The following KCMF1 variants were observed in gnomAD, a reference collection of about 807,000 sequenced individuals.
The protein encoded by KCMF1 is potassium channel modulatory factor 1, also known as E3 ubiquitin-protein ligase KCMF1.
In KCMF1, 3 loss-of-function variants were observed where a neutral mutation model predicts 41.1. The ratio of observed to expected loss-of-function variants is 0.07; its 90% CI spans 0.03 to 0.19. The LOEUF is 0.19. Ranked by LOEUF, KCMF1 falls within the 10% of genes least tolerant of loss-of-function variation. KCMF1 has a pLI of 1.00. For synonymous variants in KCMF1, 142 were observed against 164.5 expected (o/e 0.86, Z 1.04); for missense variants, 286 against 488.9 (o/e 0.58, Z 3.91).
chr2:85,039,709 A>G (rs1675479783), intron 3 of KCMF1, among the ~76,000 whole-genome samples: 1 of 152,192 alleles, frequency 6.6e-6, no homozygotes, highest in African/African-American at 2.4e-5. Context: ...ATAAAAAGCA[A>G]GACTGATGGT....
chr2:84,989,800 G>C (rs1418326694), intron 1 of KCMF1, among the ~76,000 whole-genome samples: 2 of 152,196 alleles, frequency 1.3e-5, no homozygotes, highest in African/African-American at 2.4e-5. Context: ...GTTTTGGCAT[G>C]TTAGGTTTGA....
chr2:85,031,053 T>G (rs1675254489), intron 2 of KCMF1, among the ~76,000 whole-genome samples: 2 of 152,224 alleles, frequency 1.3e-5, no homozygotes, highest in Admixed American at 1.3e-4. Flanking sequence ...AGCTTCATAG[T>G]AAGCTTTGAA....
At chr2:84,994,494 C>T (rs918716525) in intron 1 of KCMF1, among the ~76,000 whole-genome samples, 77 of 152,104 alleles carry the variant, frequency 5.1e-4, no homozygotes, top group African/African-American at 1.8e-3. Context: ...ACCTCCACCT[C>T]CCGGGTTCAA....
rs1004388095 is a variant in KCMF1, at chr2:84,975,615, T to A, written c.16+4148T>A. ...GCCACTTTTAACTCACTTTGTGGTGTTCTTGTCATGTTAACATTTTATAGA... is the reference window on the plus strand; with the variant it reads ...GCCACTTTTAACTCACTTTGTGGTGATCTTGTCATGTTAACATTTTATAGA... On this transcript the variant is annotated intron_variant, in intron 1 of 6. Transcript: ENST00000409785. 2.0e-5 allele frequency among the ~76,000 whole-genome samples: 3 copies of A among 152,198 alleles called. No individual in the cohort carries two copies. In the East Asian group the frequency reaches 5.8e-4, roughly 29 times the overall value.
chr2:85,036,035 T>C (rs955366167), intron 3 of KCMF1, among the ~76,000 whole-genome samples: 3 of 152,324 alleles, frequency 2.0e-5, no homozygotes, highest in Middle Eastern at 3.4e-3. Flanking sequence ...GGCAGGTGTT[T>C]GGACTCAGCT....
chr2:84,982,403 T>C (rs867126403), intron 1 of KCMF1, among the ~76,000 whole-genome samples: 100 of 104,766 alleles, frequency 9.5e-4, no homozygotes, highest in South Asian at 6.5e-3. Context: ...TTTTTTTTTT[T>C]TTTTTTTTTT....
At chr2:84,985,591 G>A (rs55930503) in intron 1 of KCMF1, among the ~76,000 whole-genome samples, 63 of 151,560 alleles carry the variant, frequency 4.2e-4, no homozygotes, top group Non-Finnish European at 8.3e-4. Flanking sequence ...AGCACTTTGG[G>A]AAGCCCAGGC....
chr2:85,043,539 G>A, intron 3 of KCMF1, 25 bp from the exon 4 acceptor site: 2 of 1,344,140 alleles, frequency 1.5e-6, no homozygotes, highest in African/African-American at 1.4e-5. Context: ...CATTTATTAA[G>A]CTGCTTTCTT....
At position 84,971,487 on chromosome 2, in the gene KCMF1, C is replaced by T; in HGVS notation, c.16+20C>T. On this transcript the variant is annotated intron_variant, in intron 1 of 6. Transcript: ENST00000409785. ...ATGAAGGTGAGAGGAGCCCCCGCCC[C>T]CACCCGCACCTCCCGGGCCTCGGCC... is the stretch of plus-strand genomic sequence containing the variant. The T allele has an allele frequency of 8.1e-7, 1 of 1,241,592 alleles. No homozygotes were observed. Among genetic ancestry groups the T allele is most frequent in the South Asian group, 2.0e-5 (1 of 50,012 alleles). 76.9% of individuals were successfully genotyped at this position (1,241,592 alleles called of 1,614,324 possible). A position where few individuals can be genotyped will look rare whatever the true frequency, so the allele number is the denominator to read the frequency against.
In KCMF1 at chr2:85,056,111, GT is replaced by G; in HGVS notation, c.*2704del. 6.9e-6 allele frequency: 1 copy of G among 144,454 alleles called. No homozygotes were observed. The highest frequency in any genetic ancestry group is 6.8e-5 in the Admixed American group (1 of 14,770). 8.9% of individuals were successfully genotyped at this position (144,454 alleles called of 1,614,324 possible). A position where few individuals can be genotyped will look rare whatever the true frequency, so the allele number is the denominator to read the frequency against. ...CTTTGTATTTATATTGCATTGTTTT[GT>G]TAAAAAAAAAAAAATCCACAGAAGT... On this transcript the variant is annotated 3_prime_UTR_variant, in exon 7 of 7. Coordinates refer to ENST00000409785, the MANE Select transcript of KCMF1 (RefSeq NM_020122.5).
intron 1 of KCMF1, among the ~76,000 whole-genome samples, chr2:85,006,030 T>A (rs952325227): frequency 2.0e-5 from 3 of 152,194 alleles, no homozygotes; most frequent in African/African-American, 7.2e-5. Flanking sequence ...CAGTAATGCC[T>A]GGTCACATAT....
intron 3 of KCMF1, among the ~76,000 whole-genome samples, chr2:85,037,039 A>G (rs1189380151): frequency 1.0e-5 from 1 of 98,248 alleles, no homozygotes. Flanking sequence ...TTTGTTGTTT[A>G]CACTCTGGCA....
intron 1 of KCMF1, among the ~76,000 whole-genome samples, chr2:84,999,111 C>T (rs1249715972): frequency 6.7e-6 from 1 of 150,098 alleles, no homozygotes; most frequent in African/African-American, 2.4e-5. Flanking sequence ...TCCCAAAGTG[C>T]TGGGATTACA....
intron 1 of KCMF1, among the ~76,000 whole-genome samples, chr2:85,027,495 C>T (rs2104028230): frequency 6.6e-6 from 1 of 151,246 alleles, no homozygotes; most frequent in Admixed American, 6.6e-5. Flanking sequence ...ATGCCTCAGC[C>T]TCCCAAGTAG....
intron 1 of KCMF1, among the ~76,000 whole-genome samples, chr2:84,988,973 T>C (rs1673970975): frequency 6.6e-6 from 1 of 152,188 alleles, no homozygotes; most frequent in African/African-American, 2.4e-5. Context: ...GAATTTCATA[T>C]AATTTTCAGG....
chr2:84,973,360 T>G (rs1673449599), intron 1 of KCMF1, among the ~76,000 whole-genome samples: 1 of 152,242 alleles, frequency 6.6e-6, no homozygotes, highest in African/African-American at 2.4e-5. Context: ...TTTAAGCCCA[T>G]TTCCCCCCAT....
At chr2:85,028,205 G>A (rs555227835) in intron 2 of KCMF1, 149 bp downstream of exon 2, 24 of 586,668 alleles carry the variant, frequency 4.1e-5, no homozygotes, top group East Asian at 4.0e-4. Flanking sequence ...TTTTTGAGAC[G>A]GAGTTTCGCT....
intron 2 of KCMF1, among the ~76,000 whole-genome samples, chr2:85,030,508 A>C (rs1212277404): frequency 6.6e-6 from 1 of 152,122 alleles, no homozygotes; most frequent in Non-Finnish European, 1.5e-5. Flanking sequence ...ATTAATTTTT[A>C]TATGTGGAAT....
chr2:85,039,107 TTAAACTA>T (rs1675466549), intron 3 of KCMF1, among the ~76,000 whole-genome samples: 7 of 152,338 alleles, frequency 4.6e-5, no homozygotes, highest in Middle Eastern at 3.4e-3. Flanking sequence ...TGATAATGTT[TTAAACTA>T]AAGTGTTAAG....
Sources: allele counts gnomAD v4.1 joint callset (sites outside exome capture counted in the v4.1 genomes callset), GRCh38; gene constraint gnomAD v4.1.1; transcripts MANE v1.5; gene names NCBI Gene and HGNC (gene_info 2026-07-23, HGNC 2026-07-21).